Variants in ZSCAN20 observed in about 807,000 individuals in gnomAD.
The protein encoded by ZSCAN20 is zinc finger and SCAN domain containing 20, also known as zinc finger and SCAN domain-containing protein 20.
ZSCAN20 carries 39 observed loss-of-function variants against 97.1 expected under a neutral mutation model. The ratio of observed to expected loss-of-function variants is 0.40; its 90% CI spans 0.31 to 0.52. The LOEUF (loss-of-function observed/expected upper bound fraction) is 0.52. Among genes scored for constraint, ZSCAN20 ranks in the 20% least tolerant of loss-of-function variants. ZSCAN20 has a pLI of 0.49. For missense variants in ZSCAN20, 1,115 were observed against 1,290.4 expected (o/e 0.86, Z 2.08); for synonymous variants, 456 against 467.3 (o/e 0.98, Z 0.31).
Position 33,491,449 on chromosome 1 carries a change from T to C in ZSCAN20, c.1191T>C (p.Gly397=), listed in dbSNP as rs1652605949. 8.7e-6 allele frequency: 14 copies of C among 1,614,140 alleles called. No individual in the cohort carries two copies. Among genetic ancestry groups the C allele is most frequent in the East Asian group, 2.2e-5 (1 of 44,882 alleles). ...YRKAKSSHPP[G]TCPFYEELEA... ...AAGCCAAGAGCAGCCACCCACCAGGTACCTGCCCCTTCTATGAGGAGCTGG... is the reference window on the plus strand; with the variant it reads ...AAGCCAAGAGCAGCCACCCACCAGGCACCTGCCCCTTCTATGAGGAGCTGG... The change falls in exon 6 of 8, where the codon GGT becomes GGC. Residue 397 remains glycine (G), a synonymous_variant. Transcript: ENST00000684572. This position sits in a 1 kb window ranked among gnomAD's most constrained non-coding sequence, Gnocchi z 4.3.
At chr1:33,489,065 A>AT in intron 3 of ZSCAN20, 50 bp from the exon 4 acceptor site, 2 of 1,539,954 alleles carry the variant, frequency 1.3e-6, no homozygotes, top group Non-Finnish European at 1.8e-6. Flanking sequence ...AAGGGAGGTG[A>AT]TTTTTTGGGA....
Position 33,495,435 on chromosome 1 carries a change from A to G in ZSCAN20, c.3091A>G (p.Ser1031Gly), listed in dbSNP as rs1210243342. 1.9e-6 allele frequency: 3 copies of G among 1,570,924 alleles called. No individual in the cohort carries two copies. The African/African-American group carries it at 4.1e-5, about 21-fold the overall frequency. Residue 1031 changes from serine to glycine, a missense_variant, in exon 8 of 8, where the codon AGT becomes GGT. Physicochemically the swap from Ser to Gly is moderately conservative, Grantham distance 56 (BLOSUM62 0). Coordinates refer to ENST00000684572, the MANE Select transcript of ZSCAN20 (RefSeq NM_001377376.1). ...AGACTTCAACAACAGTTCCCACTTC[A>G]GTGCTCACCGGAGAACCCATGCAGG... Reference protein sequence around the residue: ...GKDFNNSSHFSAHRRTHAGGK... With the variant: ...GKDFNNSSHFGAHRRTHAGGK...
chr1:33,486,591 C>T (rs192548248), intron 2 of ZSCAN20, among the ~76,000 whole-genome samples: 28 of 152,308 alleles, frequency 1.8e-4, no homozygotes, highest in African/African-American at 6.0e-4. Flanking sequence ...AATTTTTTGT[C>T]TCCTGGTTGT....
rs141865755 is a variant in ZSCAN20, at chr1:33,494,081, A to G, written c.1874-137A>G. ...GATCAATTTCTTGTTAGTCACATTT[A>G]TAAGATGTGCGATAGAAGATATAAG... On this transcript the variant is annotated intron_variant, in intron 7 of 7. Transcript: ENST00000684572. The G allele has an allele frequency of 8.9e-6, 7 of 789,408 alleles. No homozygotes were observed. The Admixed American group carries it at 1.3e-4, about 14-fold the overall frequency. The allele number at this position is 789,408 out of a possible 1,614,324, so 48.9% of individuals were successfully genotyped here. A position where few individuals can be genotyped will look rare whatever the true frequency, so the allele number is the denominator to read the frequency against.
In ZSCAN20 at chr1:33,493,315, T is replaced by C; in HGVS notation, c.1573T>C (p.Cys525Arg). ...QVYRAIAERL[C>R]ALGFLRTLEQ... ...GTACCGGGCCATTGCAGAGCGGCTG[T>C]GTGCTCTGGGCTTCCTGCGGACACT... Residue 525 changes from cysteine (C) to arginine (R), a missense_variant, in exon 7 of 8, where the codon TGT (cysteine) becomes CGT (arginine). Coordinates refer to ENST00000684572, the MANE Select transcript of ZSCAN20 (RefSeq NM_001377376.1). The surrounding 1 kb of genome is among the most constrained non-coding windows in gnomAD (Gnocchi z 4.3). The C allele has an allele frequency of 1.2e-6, 2 of 1,614,210 alleles. No homozygotes were observed. Among genetic ancestry groups the C allele is most frequent in the South Asian group, 1.1e-5 (1 of 91,088 alleles).
Position 33,479,571 on chromosome 1 carries a change from G to A in ZSCAN20, c.283G>A (p.Val95Met), listed in dbSNP as rs759845965. The A allele has an allele frequency of 3.7e-6, 6 of 1,613,790 alleles. No individual in the cohort carries two copies. Among genetic ancestry groups the A allele is most frequent in the African/African-American group, 2.7e-5 (2 of 74,922 alleles). The change falls in exon 2 of 8, where the codon GTG (valine) becomes ATG (methionine). Residue 95 changes from valine (V) to methionine (M), a missense_variant. Around this residue, in one of 3 missense-constraint regions of ZSCAN20, gnomAD observed 508 missense variants for 611.2 expected, o/e 0.83. Coordinates refer to ENST00000684572, the MANE Select transcript of ZSCAN20 (RefSeq NM_001377376.1). ...RLKEQILELL[V>M]LEQFLTILPR... ...CAAAGAGCAGATCCTGGAGCTGCTC[G>A]TGCTGGAGCAGTTCCTGACTATCTT...
In ZSCAN20 at chr1:33,499,776, TG is replaced by T. The variant is rs776933909; in HGVS notation, c.*4307del. Among the ~76,000 whole-genome samples the T allele has an allele frequency of 8.6e-4, 131 of 152,286 alleles. 1 individual carries two copies. The highest frequency in any genetic ancestry group is 2.6e-3 in the African/African-American group (110 of 41,554). On this transcript the variant is annotated 3_prime_UTR_variant, in exon 8 of 8. Coordinates refer to ENST00000684572, the MANE Select transcript of ZSCAN20 (RefSeq NM_001377376.1). ...AAATATTCCCTTACCCCATTTTTTT[TG>T]GGGGGGAGATGGGGGTCTTGTGTTG...
chr1:33,481,661 A>T (rs1374115645), intron 2 of ZSCAN20, among the ~76,000 whole-genome samples: 1 of 152,124 alleles, frequency 6.6e-6, no homozygotes, highest in East Asian at 1.9e-4. Context: ...AAGTCTTAAT[A>T]ATGGGATGAA....
rs753490028 is a variant in ZSCAN20 at position 33,479,402 on chromosome 1, G to A, written c.114G>A (p.Glu38=). ...DSWGSESKLW[E]KDRGSVSGPE... Reference sequence around the variant, plus strand: ...GGGGATCAGAATCCAAACTCTGGGAGAAGGACCGTGGCTCTGTCTCTGGCC... The same window carrying A: ...GGGGATCAGAATCCAAACTCTGGGAAAAGGACCGTGGCTCTGTCTCTGGCC... The change falls in exon 2 of 8, where the codon GAG becomes GAA. Residue 38 remains glutamate, a synonymous_variant. Coordinates refer to ENST00000684572, the MANE Select transcript of ZSCAN20 (RefSeq NM_001377376.1). 7 of 1,614,158 alleles carry A rather than the reference G, an allele frequency of 4.3e-6. No individual in the cohort carries two copies. The East Asian group carries it at 1.6e-4, about 36-fold the overall frequency.
At chr1:33,477,637 G>A (rs919408712) in intron 1 of ZSCAN20, among the ~76,000 whole-genome samples, 8 of 149,342 alleles carry the variant, frequency 5.4e-5, no homozygotes, top group African/African-American at 1.5e-4. Flanking sequence ...TGGCATGAGC[G>A]CGAAGGTCAT....
intron 4 of ZSCAN20, 64 bp downstream of exon 4, chr1:33,489,255 T>C: frequency 6.6e-7 from 1 of 1,518,510 alleles, no homozygotes; most frequent in Non-Finnish European, 9.1e-7. Flanking sequence ...CCCCACAGTG[T>C]TCCTCCTCTC....
At chr1:33,484,634 T>G (rs1652285955) in intron 2 of ZSCAN20, among the ~76,000 whole-genome samples, 1 of 151,694 alleles carries the variant, frequency 6.6e-6, no homozygotes, top group South Asian at 2.1e-4. Context: ...TTTTTTTTTT[T>G]TTAGCTGGAG....
chr1:33,494,702 A>G lies in ZSCAN20; in HGVS notation c.2358A>G (p.Arg786=). 6.2e-7 allele frequency: 1 copy of G among 1,613,992 alleles called. No homozygotes were observed. The highest frequency in any genetic ancestry group is 1.3e-5 in the African/African-American group (1 of 74,964). ...SDHSNLITHQ[R]IHTGEKPYKC... ...ATTCTAATCTCATCACTCACCAGAGAATTCACACGGGGGAAAAGCCCTATA... is the reference window on the plus strand; with the variant it reads ...ATTCTAATCTCATCACTCACCAGAGGATTCACACGGGGGAAAAGCCCTATA... Residue 786 remains arginine (R), a synonymous_variant, in exon 8 of 8, where the codon AGA becomes AGG. Coordinates refer to ENST00000684572, the MANE Select transcript of ZSCAN20 (RefSeq NM_001377376.1).
In ZSCAN20 at chr1:33,495,732, G is replaced by T. The variant is rs1226571782; in HGVS notation, c.*256G>T. On this transcript the variant is annotated 3_prime_UTR_variant, in exon 8 of 8. Transcript: ENST00000684572. ...TGTCCTTGTATTTGCTATCATGTAAGAGCTGTGTCAGTATTTGAGCCAAAC... is the reference window on the plus strand; with the variant it reads ...TGTCCTTGTATTTGCTATCATGTAATAGCTGTGTCAGTATTTGAGCCAAAC... The T allele has an allele frequency of 6.4e-6, 2 of 311,978 alleles. No homozygotes were observed. The highest frequency in any genetic ancestry group is 9.0e-5 in the Admixed American group (2 of 22,292). The allele number at this position is 311,978 out of a possible 1,614,324, so 19.3% of individuals were successfully genotyped here. A position where few individuals can be genotyped will look rare whatever the true frequency, so the allele number is the denominator to read the frequency against.
At chr1:33,488,707 G>T in intron 3 of ZSCAN20, 56 bp downstream of exon 3, 1 of 1,565,002 alleles carries the variant, frequency 6.4e-7, no homozygotes, top group Non-Finnish European at 8.7e-7. Flanking sequence ...AGAGGGATGG[G>T]AGGTGAGGAA....
chr1:33,491,480 C>T lies in ZSCAN20; in HGVS notation c.1222C>T (p.Leu408=). ...TCPFYEELEA[L]VRARTAIRAT... is the part of the protein sequence containing the mutation. ...CCCCTTCTATGAGGAGCTGGAGGCCCTGGTCAGGGCTCGGACAGCCATCAG... is the reference window on the plus strand; with the variant it reads ...CCCCTTCTATGAGGAGCTGGAGGCCTTGGTCAGGGCTCGGACAGCCATCAG... The change falls in exon 6 of 8, where the codon CTG becomes TTG. Residue 408 remains leucine (L), a synonymous_variant. Transcript: ENST00000684572. The surrounding 1 kb of genome is among the most constrained non-coding windows in gnomAD (Gnocchi z 4.3). 6.2e-7 allele frequency: 1 copy of T among 1,614,140 alleles called. No individual in the cohort carries two copies. The highest frequency in any genetic ancestry group is 8.5e-7 in the Non-Finnish European group (1 of 1,180,002).
At chr1:33,485,592 T>TG (rs1160972655) in intron 2 of ZSCAN20, among the ~76,000 whole-genome samples, 103 of 151,164 alleles carry the variant, frequency 6.8e-4, no homozygotes, top group African/African-American at 2.2e-3. Flanking sequence ...ATATTTTTTT[T>TG]TTGTTGAGAT....
intron 7 of ZSCAN20, 60 bp from the exon 8 acceptor site, chr1:33,494,158 A>AAC (rs759118661): frequency 2.6e-5 from 37 of 1,439,014 alleles, no homozygotes; most frequent in Non-Finnish European, 3.3e-5. Flanking sequence ...GACACACACA[A>AAC]ACACACACAC....
Position 33,488,624 on chromosome 1 carries a change from G to A in ZSCAN20, c.577G>A (p.Val193Met). Residue 193 changes from valine (V) to methionine (M), a missense_variant, in exon 3 of 8, where the codon GTG becomes ATG. Physicochemically the swap from Val to Met is conservative, Grantham distance 21 (BLOSUM62 1). This residue lies in a region of ZSCAN20 where 508 missense variants were observed against 611.2 expected (regional missense o/e 0.83). Transcript: ENST00000684572. Reference sequence around the variant, plus strand: ...CCTTCCCAATCACCTAAATGCCGAGGTGGCACCACAGCCTTTGAAAGAGAG... The same window carrying A: ...CCTTCCCAATCACCTAAATGCCGAGATGGCACCACAGCCTTTGAAAGAGAG... ...PDLPNHLNAE[V>M]APQPLKESAV... The A allele has an allele frequency of 6.2e-7, 1 of 1,612,968 alleles. No homozygotes were observed. Among genetic ancestry groups the A allele is most frequent in the Non-Finnish European group, 8.5e-7 (1 of 1,179,666 alleles).
Sources: allele counts gnomAD v4.1 joint callset (sites outside exome capture counted in the v4.1 genomes callset), GRCh38; gene constraint gnomAD v4.1.1; regional missense constraint gnomAD v4.1.1; non-coding constraint Gnocchi (gnomAD v3.1); transcripts MANE v1.5; gene names NCBI Gene and HGNC (gene_info 2026-07-23, HGNC 2026-07-21).